Variants in CDH13 observed in about 807,000 individuals in gnomAD.
CDH13 encodes the protein cadherin 13, also known as cadherin-13.
A neutral mutation model predicts 63.8 loss-of-function variants in CDH13; 24 were observed. The observed-to-expected ratio is 0.38, with a 90% CI of 0.27 to 0.53. The LOEUF (loss-of-function observed/expected upper bound fraction) is 0.53. Ranked by LOEUF, CDH13 falls within the 20% of genes least tolerant of loss-of-function variation. The pLI, the probability that CDH13 is intolerant of heterozygous loss-of-function variation, is 0.85. For missense variants in CDH13, 1,049 were observed against 903.1 expected (o/e 1.16, Z -2.07); for synonymous variants, 503 against 355.3 (o/e 1.42, Z -4.67).
intron 3 of CDH13, among the ~76,000 whole-genome samples, chr16:83,099,395 C>G (rs913949244): frequency 2.0e-5 from 3 of 151,904 alleles, no homozygotes; most frequent in African/African-American, 7.2e-5. Context: ...GCAATCTCAG[C>G]TCATTGCAGC....
At chr16:83,456,527 G>A (rs924184346) in intron 6 of CDH13, among the ~76,000 whole-genome samples, 1 of 152,176 alleles carries the variant, frequency 6.6e-6, no homozygotes, top group Non-Finnish European at 1.5e-5. Flanking sequence ...TGGGTTCAGA[G>A]GCAACTGCAA....
intron 1 of CDH13, among the ~76,000 whole-genome samples, chr16:82,749,222 G>A (rs1345197029): frequency 2.6e-5 from 4 of 152,094 alleles, no homozygotes; most frequent in Non-Finnish European, 5.9e-5. Flanking sequence ...AGACCTTACG[G>A]TGTTATTCAA....
At chr16:83,383,020 GT>G (rs2091597979) in intron 6 of CDH13, 1 of 152,230 alleles carries the variant, frequency 6.6e-6, no homozygotes, top group Non-Finnish European at 1.5e-5. Context: ...GAAACCCCGA[GT>G]TACACATTGC....
chr16:82,674,960 A>G lies in CDH13; in HGVS notation c.45+47823A>G, dbSNP rs187019103. Among the ~76,000 whole-genome samples the G allele has an allele frequency of 1.8e-4, 28 of 152,362 alleles. No homozygotes were observed. The East Asian group carries it at 5.2e-3, about 28-fold the overall frequency. Reference sequence around the variant, plus strand: ...ATCAAAAAGCTATAATCTGTCAATCAGGTGTCAGAAGAAAGAGTCTCTCAA... The same window carrying G: ...ATCAAAAAGCTATAATCTGTCAATCGGGTGTCAGAAGAAAGAGTCTCTCAA... On this transcript the variant is annotated intron_variant, in intron 1 of 13. Coordinates refer to ENST00000567109, the MANE Select transcript of CDH13 (RefSeq NM_001257.5).
At chr16:82,747,207 T>G (rs1351981538) in intron 1 of CDH13, among the ~76,000 whole-genome samples, 1 of 152,188 alleles carries the variant, frequency 6.6e-6, no homozygotes, top group Non-Finnish European at 1.5e-5. Flanking sequence ...AAAACTGTGG[T>G]CCGTAGATCA....
At chr16:83,393,718 G>A (rs1198118036) in intron 6 of CDH13, among the ~76,000 whole-genome samples, 1 of 152,052 alleles carries the variant, frequency 6.6e-6, no homozygotes, top group Non-Finnish European at 1.5e-5. Context: ...GAATCCCCTG[G>A]TCAAGGAACC....
chr16:83,329,489 G>C (rs1367861269), intron 5 of CDH13, among the ~76,000 whole-genome samples: 1 of 151,678 alleles, frequency 6.6e-6, no homozygotes, highest in South Asian at 2.1e-4. Context: ...TGGCCACCTC[G>C]ATCTCCCAAA....
chr16:83,789,029 T>C (rs750112236), intron 13 of CDH13, among the ~76,000 whole-genome samples: 4 of 152,346 alleles, frequency 2.6e-5, no homozygotes, highest in Admixed American at 1.3e-4. Flanking sequence ...TTCATTTAAA[T>C]GTTAGAGATG....
intron 7 of CDH13, among the ~76,000 whole-genome samples, chr16:83,532,073 T>A (rs2075095452): frequency 6.6e-6 from 1 of 152,176 alleles, no homozygotes; most frequent in African/African-American, 2.4e-5. Flanking sequence ...CTGATGGTTT[T>A]ATAAAGGGGA....
At chr16:83,619,351 G>A (rs745744643) in intron 8 of CDH13, among the ~76,000 whole-genome samples, 5 of 152,208 alleles carry the variant, frequency 3.3e-5, no homozygotes, top group Admixed American at 6.5e-5. Flanking sequence ...ATAACAGAGG[G>A]GGACTGCGAG....
At chr16:82,955,627 C>T (rs1315333911) in intron 2 of CDH13, among the ~76,000 whole-genome samples, 2 of 152,240 alleles carry the variant, frequency 1.3e-5, no homozygotes, top group Admixed American at 6.5e-5. Flanking sequence ...GAATCAGTCA[C>T]TGTGTTAGGT....
At chr16:83,374,528 G>C (rs1428625592) in intron 6 of CDH13, among the ~76,000 whole-genome samples, 1 of 152,152 alleles carries the variant, frequency 6.6e-6, no homozygotes, top group Non-Finnish European at 1.5e-5. Context: ...CCCCAAACTT[G>C]AGTTTTCCTG....
intron 1 of CDH13, among the ~76,000 whole-genome samples, chr16:82,730,496 A>G (rs1350305293): frequency 6.6e-6 from 1 of 152,222 alleles, no homozygotes; most frequent in Non-Finnish European, 1.5e-5. Context: ...GCCTTCTTGT[A>G]TGGGCATGGT....
intron 1 of CDH13, among the ~76,000 whole-genome samples, chr16:82,847,096 T>C (rs1280903499): frequency 6.6e-6 from 1 of 152,086 alleles, no homozygotes. Flanking sequence ...ACTCCTCTAT[T>C]TTGCCCTCTT....
At chr16:83,769,682 T>G (rs575431134) in intron 11 of CDH13, among the ~76,000 whole-genome samples, 25 of 152,170 alleles carry the variant, frequency 1.6e-4, no homozygotes, top group Admixed American at 5.9e-4. Context: ...TGGGCGTGTT[T>G]TCACCATGTC....
At chr16:83,221,279 C>G (rs776196880) in intron 5 of CDH13, among the ~76,000 whole-genome samples, 1 of 152,098 alleles carries the variant, frequency 6.6e-6, no homozygotes, top group African/African-American at 2.4e-5. Flanking sequence ...CATCCATTTC[C>G]GTGACCCACT....
chr16:83,755,617 G>A (rs1393589867), intron 11 of CDH13, among the ~76,000 whole-genome samples: 2 of 152,158 alleles, frequency 1.3e-5, no homozygotes, highest in African/African-American at 4.8e-5. Flanking sequence ...CTGACTTCTA[G>A]ATAGAAATAA....
intron 2 of CDH13, among the ~76,000 whole-genome samples, chr16:82,862,302 C>T (rs976904682): frequency 1.3e-5 from 2 of 152,174 alleles, no homozygotes; most frequent in Admixed American, 6.5e-5. Context: ...TGACCAGCCA[C>T]CCAGCTGGGA....
At chr16:82,774,145 C>T (rs2035385547) in intron 1 of CDH13, among the ~76,000 whole-genome samples, 1 of 152,020 alleles carries the variant, frequency 6.6e-6, no homozygotes, top group African/African-American at 2.4e-5. Flanking sequence ...AAAAAATGTG[C>T]TTCCCTAATT....
Sources: gnomAD v4.1 joint callset for allele counts (sites outside exome capture counted in the v4.1 genomes callset) on GRCh38, gnomAD v4.1.1 for gene constraint, MANE v1.5 for transcripts, NCBI Gene and HGNC (gene_info 2026-07-23, HGNC 2026-07-21) for gene names.